DOK7: variants seen among roughly 807,000 people sequenced by gnomAD.
The protein encoded by DOK7 is docking protein 7.
A neutral mutation model predicts 30.7 loss-of-function variants in DOK7; 32 were observed. The observed-to-expected ratio is 1.04, with a 90% confidence interval of 0.79 to 1.40. The LOEUF is 1.40. Ranked by LOEUF, DOK7 falls within the 40% of genes most tolerant of loss-of-function variation. The pLI, the probability that DOK7 is intolerant of heterozygous loss-of-function variation, is 0.00. For missense variants in DOK7, 1,007 were observed against 699.2 expected (o/e 1.44, Z -4.97); for synonymous variants, 447 against 324.1 (o/e 1.38, Z -4.07).
chr4:3,471,888 G>C (rs1303486762), intron 2 of DOK7, among the ~76,000 whole-genome samples: 1 of 152,260 alleles, frequency 6.6e-6, no homozygotes, highest in African/African-American at 2.4e-5. Context: ...GCTGCGGACA[G>C]ATCCTCCAAT....
chr4:3,494,514 T>C (rs141337502), downstream of DOK7: 2,199 of 985,582 alleles, frequency 2.2e-3, 40 homozygotes, highest in African/African-American at 0.036. Flanking sequence ...CCCAGCCCTC[T>C]CCGCCTCCTC....
intron 1 of DOK7, 33 bp downstream of exon 1, chr4:3,463,462 G>GGGGGGGGGGC: frequency 8.2e-7 from 1 of 1,215,598 alleles, no homozygotes; most frequent in Non-Finnish European, 1.1e-6. Context: ...GGGGGGGGGG[G>GGGGGGGGGGC]CGCGGGCGCG....
In DOK7 at chr4:3,476,509, T is replaced by G; in HGVS notation, c.499T>G (p.Phe167Val). ...GCGCTACGGGGCCGTGCCAAGCGGA[T>G]TCATCTTTGAAGGCGGGACCAGGTG... is the stretch of plus-strand genomic sequence containing the variant. ...LRRYGAVPSG[F>V]IFEGGTRCGY... Residue 167 changes from phenylalanine (F) to valine (V), a missense_variant, in exon 4 of 7, where the codon TTC (phenylalanine) becomes GTC (valine). Coordinates refer to ENST00000340083, the MANE Select transcript of DOK7 (RefSeq NM_173660.5). 6.2e-7 allele frequency: 1 copy of G among 1,613,706 alleles called. No homozygotes were observed. Among genetic ancestry groups the G allele is most frequent in the Non-Finnish European group, 8.5e-7 (1 of 1,179,980 alleles).
In DOK7 at chr4:3,492,856, G is replaced by A. The variant is rs149019681; in HGVS notation, c.870G>A (p.Ser290=). The A allele has an allele frequency of 4.3e-5, 69 of 1,610,260 alleles. No homozygotes were observed. The highest frequency in any genetic ancestry group is 9.9e-5 in the South Asian group (9 of 90,658). Residue 290 remains serine (S), a synonymous_variant, in exon 7 of 7, where the codon TCG becomes TCA. Transcript: ENST00000340083. ...CCGCATGGCCAGAGCAATCCTCGTC[G>A]TCAGCCAGCACGTCACAGGAGGGGC... ...RLTAWPEQSS[S]SASTSQEGPR...
At chr4:3,465,439 A>G (rs377388888) in intron 2 of DOK7, among the ~76,000 whole-genome samples, 1 of 152,188 alleles carries the variant, frequency 6.6e-6, no homozygotes, top group Non-Finnish European at 1.5e-5. Context: ...AGGAGCAGAC[A>G]GCACAGACCC....
At chr4:3,498,674 C>T (rs918707006), downstream of DOK7, among the ~76,000 whole-genome samples, 1 of 152,022 alleles carries the variant, frequency 6.6e-6, no homozygotes, top group Non-Finnish European at 1.5e-5. Flanking sequence ...CTCCTCTAGG[C>T]AGCTGGCCCT....
intron 6 of DOK7, among the ~76,000 whole-genome samples, chr4:3,490,110 CCATT>C (rs1553848871): frequency 3.8e-5 from 2 of 52,736 alleles, no homozygotes; most frequent in East Asian, 1.2e-3. Context: ...TTCTTCACCC[CCATT>C]CATTCCTTTT....
Position 3,493,077 on chromosome 4 carries a change from G to A in DOK7, c.1091G>A (p.Arg364Gln), listed in dbSNP as rs201304841. 950 of 1,576,118 alleles carry A rather than the reference G, an allele frequency of 6.0e-4. 11 individuals carry two copies. In the South Asian group the frequency reaches 8.0e-3, roughly 13 times the overall value. ...GCGGGCAGCAGCCTGGACGTGTGGC[G>A]GGCCACAGATGAACTGGGCTCACTG... Reference protein sequence around the residue: ...SYAGSSLDVWRATDELGSLLS... With the variant: ...SYAGSSLDVWQATDELGSLLS... Residue 364 changes from arginine to glutamine, a missense_variant, in exon 7 of 7, where the codon CGG becomes CAG. Transcript: ENST00000340083.
chr4:3,490,747 T>C (rs1190994270), intron 6 of DOK7, among the ~76,000 whole-genome samples: 1 of 97,768 alleles, frequency 1.0e-5, no homozygotes, highest in Non-Finnish European at 1.9e-5. Flanking sequence ...CCTTCCTTCT[T>C]CCTCCTGCTC....
intron 2 of DOK7, among the ~76,000 whole-genome samples, chr4:3,464,211 C>T (rs927872871): frequency 2.0e-5 from 3 of 152,180 alleles, no homozygotes; most frequent in Non-Finnish European, 4.4e-5. Context: ...GCAGAGCCGG[C>T]CAGGCCCGGG....
chr4:3,470,376 T>C (rs1726688635), intron 2 of DOK7, among the ~76,000 whole-genome samples: 2 of 152,238 alleles, frequency 1.3e-5, no homozygotes, highest in Non-Finnish European at 2.9e-5. Flanking sequence ...GGGGCCACGC[T>C]CAGCCCCTGC....
intron 4 of DOK7, among the ~76,000 whole-genome samples, chr4:3,481,490 G>A (rs949318850): frequency 8.5e-5 from 13 of 152,070 alleles, no homozygotes; most frequent in Non-Finnish European, 1.5e-4. Context: ...CTTCAGGAGG[G>A]CAGAGGAGGG....
intron 5 of DOK7, among the ~76,000 whole-genome samples, chr4:3,486,958 G>C (rs1357433144): frequency 6.6e-6 from 1 of 152,138 alleles, no homozygotes; most frequent in African/African-American, 2.4e-5. Flanking sequence ...AGCAGTACTG[G>C]GCAGAGGATG....
intron 6 of DOK7, among the ~76,000 whole-genome samples, chr4:3,490,521 ACCCCCCCGCTCATTCGTTCC>A (rs1728260970): frequency 2.0e-4 from 4 of 20,452 alleles, no homozygotes; most frequent in East Asian, 1.8e-3. Flanking sequence ...TCTTTCCTTC[ACCCCCCCGCTCATTCGTTCC>A]TTCCTTCTCC....
chr4:3,489,948 T>TCCCCG (rs1365833187), intron 6 of DOK7, 152 bp downstream of exon 6: 2 of 1,239,282 alleles, frequency 1.6e-6, no homozygotes, highest in South Asian at 1.6e-5. Context: ...TTCCCCCAAC[T>TCCCCG]CCCCGCCCCG....
chr4:3,489,336 G>A (rs1728019905), intron 5 of DOK7, among the ~76,000 whole-genome samples: 1 of 152,166 alleles, frequency 6.6e-6, no homozygotes, highest in African/African-American at 2.4e-5. Context: ...GATGGGGGAG[G>A]GGCTGGTCAT....
intron 6 of DOK7, among the ~76,000 whole-genome samples, chr4:3,491,870 G>A (rs969182366): frequency 6.6e-6 from 1 of 152,216 alleles, no homozygotes. Context: ...CCGAAGGGTG[G>A]CTGCATGGGT....
chr4:3,492,982 C>G lies in DOK7; in HGVS notation c.996C>G (p.Arg332=). Residue 332 remains arginine, a synonymous_variant, in exon 7 of 7, where the codon CGC becomes CGG. Transcript: ENST00000340083. ...LRPRQLQEVG[R]QSSSDSGIAT... is the part of the protein sequence containing the mutation. The stretch of plus-strand genomic sequence containing the variant: ...CGCGGCAGCTGCAGGAGGTTGGCCG[C>G]CAGAGCTCCTCGGACAGCGGCATCG... 1 of 1,556,070 alleles carries G rather than the reference C, an allele frequency of 6.4e-7. No individual in the cohort carries two copies. Among genetic ancestry groups the G allele is most frequent in the Non-Finnish European group, 8.7e-7 (1 of 1,154,396 alleles).
rs144158112 is a variant in DOK7 at position 3,493,157 on chromosome 4, G to T, written c.1171G>T (p.Gly391Trp). The change falls in exon 7 of 7, where the codon GGG becomes TGG. Residue 391 changes from glycine to tryptophan, a missense_variant. Gly to Trp is a radical substitution (Grantham distance 184). Transcript: ENST00000340083. ...PEPSLCTCLP[G>W]TVEYQVPTSL... ...GCCCAGCCTGTGCACCTGCCTGCCC[G>T]GGACAGTCGAGTACCAGGTGCCCAC... The T allele has an allele frequency of 1.2e-6, 2 of 1,605,704 alleles. No individual in the cohort carries two copies. Among genetic ancestry groups the T allele is most frequent in the Admixed American group, 1.7e-5 (1 of 59,318 alleles).
Sources: allele counts gnomAD v4.1 joint callset (sites outside exome capture counted in the v4.1 genomes callset), GRCh38; gene constraint gnomAD v4.1.1; transcripts MANE v1.5; gene names NCBI Gene and HGNC (gene_info 2026-07-23, HGNC 2026-07-21).